The following ECPAS variants were observed in gnomAD, a reference collection of about 807,000 sequenced individuals.
ECPAS encodes proteasome adapter and scaffold protein ECM29.
ECPAS carries 70 observed loss-of-function variants against 255.1 expected under a neutral mutation model. The ratio of observed to expected loss-of-function variants is 0.27; its 90% CI spans 0.23 to 0.33. The LOEUF is 0.33. Ranked by LOEUF, ECPAS falls within the 10% of genes least tolerant of loss-of-function variation. ECPAS has a pLI of 1.00. For missense variants in ECPAS, 1,817 were observed against 2,206.4 expected, an observed-to-expected ratio of 0.82 and a Z score of 3.54; for synonymous variants, 784 against 775.0, an observed-to-expected ratio of 1.01 and a Z score of -0.19.
intron 5 of ECPAS, among the ~76,000 whole-genome samples, chr9:111,441,738 T>C (rs1434115173): frequency 6.6e-6 from 1 of 152,198 alleles, no homozygotes; most frequent in Non-Finnish European, 1.5e-5. Context: ...ACAGTATTTT[T>C]TAAAAAATGA....
intron 35 of ECPAS, 81 bp from the exon 36 acceptor site, chr9:111,378,811 G>A: frequency 7.5e-7 from 1 of 1,327,842 alleles, no homozygotes; most frequent in Non-Finnish European, 1.0e-6. Flanking sequence ...AGGATGTTCT[G>A]CAGTTCACTG....
At chr9:111,406,141 T>C (rs1298409355) in intron 24 of ECPAS, among the ~76,000 whole-genome samples, 1 of 149,786 alleles carries the variant, frequency 6.7e-6, no homozygotes, top group African/African-American at 2.5e-5. Context: ...AACAGATGAA[T>C]GGATTTTTTA....
chr9:111,373,428 A>C, intron 39 of ECPAS, 22 bp from the exon 40 acceptor site: 2 of 1,599,350 alleles, frequency 1.3e-6, no homozygotes, highest in Non-Finnish European at 1.7e-6. Context: ...AAAGAGAAAA[A>C]AATCTGATAC....
At chr9:111,414,099 C>T in intron 19 of ECPAS, 113 bp from the exon 20 acceptor site, 2 of 570,114 alleles carry the variant, frequency 3.5e-6, no homozygotes, top group Non-Finnish European at 2.9e-6. Flanking sequence ...TCTTTCGGTT[C>T]TATTAAAAAA....
intron 46 of ECPAS, among the ~76,000 whole-genome samples, chr9:111,367,736 C>T (rs942996318): frequency 1.3e-5 from 2 of 152,098 alleles, no homozygotes; most frequent in African/African-American, 4.8e-5. Context: ...ATCAACAGTA[C>T]TTTTTATAAC....
chr9:111,443,811 AC>A (rs1489149667), intron 4 of ECPAS, among the ~76,000 whole-genome samples: 12 of 152,170 alleles, frequency 7.9e-5, no homozygotes, highest in African/African-American at 2.7e-4. Context: ...AGGAAAAAAA[AC>A]ATCACCTGCC....
Position 111,366,650 on chromosome 9 carries a change from G to T in ECPAS, c.5114-23C>A, listed in dbSNP as rs149477176. The T allele has an allele frequency of 1.2e-5, 17 of 1,459,774 alleles. No individual in the cohort carries two copies. In the South Asian group the frequency reaches 1.6e-4, roughly 14 times the overall value. The allele number at this position is 1,459,774 out of a possible 1,614,324, so 90.4% of individuals were successfully genotyped here. A position where few individuals can be genotyped will look rare whatever the true frequency, so the allele number is the denominator to read the frequency against. On this transcript the variant is annotated intron_variant, in intron 46 of 49. Transcript: ENST00000684092. ...AACCTGGGAAAAAAAGACAAGGTGG[G>T]ACAGAGCAGGAGACAGTATAAAAGA...
In ECPAS at chr9:111,440,496, G is replaced by C. The variant is rs1589201757; in HGVS notation, c.415C>G (p.Leu139Val). The C allele has an allele frequency of 1.2e-6, 2 of 1,608,764 alleles. No individual in the cohort carries two copies. The highest frequency in any genetic ancestry group is 1.7e-6 in the Non-Finnish European group (2 of 1,176,860). The stretch of plus-strand genomic sequence containing the variant: ...TCAACAGGGTATTTCATGTGAAAAA[G>C]GGTTGGTATTAAAAGATGCATTAAG... ...DSLMHLLIPT[L>V]FHMKYPVESS... The change falls in exon 6 of 50, where the codon CTT becomes GTT. Residue 139 changes from leucine (L) to valine (V), a missense_variant. By Grantham distance (32) the Leu-to-Val change is conservative (BLOSUM62 1). Transcript: ENST00000684092.
intron 48 of ECPAS, among the ~76,000 whole-genome samples, chr9:111,365,113 A>G (rs1400824755): frequency 6.6e-6 from 1 of 152,074 alleles, no homozygotes; most frequent in African/African-American, 2.4e-5. Context: ...TCTACTAAAA[A>G]TACAAAAATT....
At position 111,421,840 on chromosome 9, in the gene ECPAS, A is replaced by G. The variant is rs548056181; in HGVS notation, c.1455+81T>C. 1.6e-4 allele frequency: 248 copies of G among 1,504,288 alleles called. 1 individual carries two copies. The East Asian group carries it at 5.2e-3, about 32-fold the overall frequency. The allele number at this position is 1,504,288 out of a possible 1,614,324, so 93.2% of individuals were successfully genotyped here. ...GTGAAAGCAAATACTCCTCTTATCA[A>G]AAGTTAAGTAGCAATTCAAATTTTG... On this transcript the variant is annotated intron_variant, in intron 15 of 49. Coordinates refer to ENST00000684092, the MANE Select transcript of ECPAS (RefSeq NM_001364929.1).
chr9:111,443,333 C>T (rs1156815522), intron 4 of ECPAS, among the ~76,000 whole-genome samples: 1 of 152,214 alleles, frequency 6.6e-6, no homozygotes, highest in Non-Finnish European at 1.5e-5. Context: ...TCACTGCAAC[C>T]TCCACCTCTG....
chr9:111,378,806 G>A (rs774644913), intron 35 of ECPAS, 76 bp from the exon 36 acceptor site: 7 of 1,385,394 alleles, frequency 5.1e-6, no homozygotes, highest in Non-Finnish European at 6.8e-6. Context: ...CCATGAGGAT[G>A]TTCTGCAGTT....
rs199979601 is a variant in ECPAS, at chr9:111,363,696, T to G, written c.5309-37A>C. On this transcript the variant is annotated intron_variant, in intron 48 of 49. Transcript: ENST00000684092. ...TATCATACAGTTCATATGGCCTGCC[T>G]GAAAAACACAACCTCCAAGATTAAA... is the stretch of plus-strand genomic sequence containing the variant. 3.8e-5 allele frequency: 36 copies of G among 952,890 alleles called. No individual in the cohort carries two copies. In the African/African-American group the frequency reaches 5.4e-4, roughly 14 times the overall value. 59.0% of individuals were successfully genotyped at this position (952,890 alleles called of 1,614,324 possible). A position where few individuals can be genotyped will look rare whatever the true frequency, so the allele number is the denominator to read the frequency against.
rs1023788892 is a variant in ECPAS at position 111,376,519 on chromosome 9, A to C, written c.3977T>G (p.Leu1326Arg). ...QEKAAMDSAR[L>R]SAAKSSPMME... Reference sequence around the variant, plus strand: ...CATTGGAGAAGATTTGGCAGCACTAAGCCGAGCACTATCCATCGCAGCCTA... The same window carrying C: ...CATTGGAGAAGATTTGGCAGCACTACGCCGAGCACTATCCATCGCAGCCTA... Residue 1326 changes from leucine to arginine, a missense_variant, in exon 37 of 50, where the codon CTT (leucine) becomes CGT (arginine). Coordinates refer to ENST00000684092, the MANE Select transcript of ECPAS (RefSeq NM_001364929.1). 1 of 1,600,440 alleles carries C rather than the reference A, an allele frequency of 6.2e-7. No homozygotes were observed. The highest frequency in any genetic ancestry group is 1.3e-5 in the African/African-American group (1 of 74,694).
rs535718114 is a variant in ECPAS at position 111,382,621 on chromosome 9, T to TA, written c.3803+589dup. Reference sequence around the variant, plus strand: ...TTTGCATTTGTTAGGTGAGTCCTTCTAAAAAAAAAACTCTTTCATCAACTA... The same window carrying TA: ...TTTGCATTTGTTAGGTGAGTCCTTCTAAAAAAAAAAACTCTTTCATCAACTA... On this transcript the variant is annotated intron_variant, in intron 35 of 49. Coordinates refer to ENST00000684092, the MANE Select transcript of ECPAS (RefSeq NM_001364929.1). Among the ~76,000 whole-genome samples, 87 of 146,988 alleles carry TA rather than the reference T, an allele frequency of 5.9e-4. 2 individuals carry two copies. The highest frequency in any genetic ancestry group is 3.7e-3 in the South Asian group (17 of 4,648).
At position 111,425,774 on chromosome 9, in the gene ECPAS, A is replaced by C. The variant is rs1411252438; in HGVS notation, c.1105T>G (p.Ser369Ala). ...CAAATATGATGCACAAATTGCAGGG[A>C]TAATGTTCTTAACTTTGAATTTGTA... ...TNTNSKLRTL[S>A]LQFVHHICIT... The change falls in exon 11 of 50, where the codon TCC becomes GCC. Residue 369 changes from serine (S) to alanine (A), a missense_variant. Coordinates refer to ENST00000684092, the MANE Select transcript of ECPAS (RefSeq NM_001364929.1). 1.3e-6 allele frequency: 2 copies of C among 1,590,316 alleles called. No homozygotes were observed. Among genetic ancestry groups the C allele is most frequent in the Non-Finnish European group, 1.7e-6 (2 of 1,161,438 alleles).
chr9:111,455,818 C>T (rs988800915), intron 2 of ECPAS, among the ~76,000 whole-genome samples: 3 of 152,128 alleles, frequency 2.0e-5, no homozygotes, highest in African/African-American at 4.8e-5. Flanking sequence ...CTGTGTGACT[C>T]CACCAGAAGA....
chr9:111,444,623 AT>A, intron 3 of ECPAS, 129 bp from the exon 4 acceptor site: 1 of 648,010 alleles, frequency 1.5e-6, no homozygotes, highest in Non-Finnish European at 2.7e-6. Context: ...AAGGGTATAA[AT>A]TTTACATCCC....
rs889125700 is a variant in ECPAS at position 111,371,323 on chromosome 9, G to A, written c.4737+298C>T. Among the ~76,000 whole-genome samples the A allele has an allele frequency of 2.0e-5, 3 of 152,148 alleles. No individual in the cohort carries two copies. In the East Asian group the frequency reaches 5.8e-4, roughly 29 times the overall value. ...CTATGCCCAATCCTGATCTGTTCAT[G>A]AGGTCAACAGGTACAAAATGCTGAC... On this transcript the variant is annotated intron_variant, in intron 43 of 49. Transcript: ENST00000684092.
Sources: allele counts gnomAD v4.1 joint callset (sites outside exome capture counted in the v4.1 genomes callset), GRCh38; gene constraint gnomAD v4.1.1; transcripts MANE v1.5; gene names NCBI Gene and HGNC (gene_info 2026-07-23, HGNC 2026-07-21).